Variants in DYSF observed in about 807,000 individuals in gnomAD.
DYSF encodes the protein dystrophy-associated fer-1-like 1.
A neutral mutation model predicts 274.9 loss-of-function variants in DYSF; 212 were observed. The ratio of observed to expected loss-of-function variants is 0.77; its 90% CI spans 0.69 to 0.86. The LOEUF (loss-of-function observed/expected upper bound fraction) is 0.86. DYSF is among the 40% of genes least tolerant of loss of function. The pLI is 0.00. For synonymous variants in DYSF, 1,091 were observed against 1,078.7 expected, an observed-to-expected ratio of 1.01 and a Z score of -0.22; for missense variants, 2,666 against 2,783.2, an observed-to-expected ratio of 0.96 and a Z score of 0.95.
intron 17 of DYSF, among the ~76,000 whole-genome samples, chr2:71,546,262 T>C (rs568069254): frequency 6.6e-5 from 10 of 152,388 alleles, no homozygotes; most frequent in African/African-American, 2.2e-4. Flanking sequence ...CTCCACGTTG[T>C]GGGCTTGTAG....
intron 14 of DYSF, among the ~76,000 whole-genome samples, chr2:71,533,309 G>T (rs756807384): frequency 6.6e-6 from 1 of 152,206 alleles, no homozygotes; most frequent in Admixed American, 6.5e-5. Context: ...ATGAGCCACC[G>T]TGCCCAGCCG....
chr2:71,617,898 T>G (rs1324102106), intron 40 of DYSF, among the ~76,000 whole-genome samples: 25 of 51,734 alleles, frequency 4.8e-4, no homozygotes, highest in Non-Finnish European at 7.9e-4. Context: ...GGTAGAGGTG[T>G]GTTTGTGGTA....
chr2:71,531,565 T>G (rs2088707313), intron 14 of DYSF, among the ~76,000 whole-genome samples: 2 of 151,682 alleles, frequency 1.3e-5, no homozygotes, highest in African/African-American at 4.8e-5. Flanking sequence ...GCAGAGAGTC[T>G]CAAAACATGG....
chr2:71,584,092 G>A (rs931406136), intron 30 of DYSF, among the ~76,000 whole-genome samples: 5 of 152,128 alleles, frequency 3.3e-5, no homozygotes, highest in Admixed American at 6.5e-5. Context: ...TGGGAGTTGC[G>A]GTGGCATGAG....
chr2:71,532,834 A>ATCTATCTATCTG (rs546663617), intron 14 of DYSF, among the ~76,000 whole-genome samples: 2,575 of 98,916 alleles, frequency 0.026, 44 homozygotes, highest in Non-Finnish European at 0.043. Flanking sequence ...CATTTATTCT[A>ATCTATCTATCTG]TCTATCTATC....
intron 5 of DYSF, among the ~76,000 whole-genome samples, chr2:71,512,750 G>A (rs1433796487): frequency 6.6e-6 from 1 of 152,240 alleles, no homozygotes; most frequent in African/African-American, 2.4e-5. Context: ...AACCGGAGCA[G>A]CCCATGTCTC....
At chr2:71,560,453 C>T (rs2091662126) in intron 22 of DYSF, among the ~76,000 whole-genome samples, 2 of 143,774 alleles carry the variant, frequency 1.4e-5, no homozygotes, top group Admixed American at 6.8e-5. Flanking sequence ...TGCCCCTCCA[C>T]CACCGAGGAG....
chr2:71,559,071 C>T (rs781767665), intron 22 of DYSF, among the ~76,000 whole-genome samples: 9 of 152,182 alleles, frequency 5.9e-5, no homozygotes, highest in Non-Finnish European at 8.8e-5. Context: ...TCCATCTCAG[C>T]CCTTTTCCCG....
chr2:71,631,992 C>T (rs780585242), intron 41 of DYSF, among the ~76,000 whole-genome samples: 4 of 152,128 alleles, frequency 2.6e-5, no homozygotes, highest in Non-Finnish European at 5.9e-5. Context: ...ACCCCCTGCC[C>T]CAAGAGGTCT....
At chr2:71,606,043 G>A (rs993264841) in intron 36 of DYSF, among the ~76,000 whole-genome samples, 6 of 152,090 alleles carry the variant, frequency 3.9e-5, no homozygotes, top group Admixed American at 2.6e-4. Context: ...CTGATGACCC[G>A]GCTGATGCAG....
intron 21 of DYSF, 136 bp from the exon 22 acceptor site, chr2:71,555,828 GC>G: frequency 1.4e-6 from 1 of 734,986 alleles, no homozygotes; most frequent in Non-Finnish European, 2.4e-6. Context: ...GGTTTGTTGG[GC>G]CTGGACTCTG....
At chr2:71,507,195 C>T (rs986979832) in intron 4 of DYSF, among the ~76,000 whole-genome samples, 8 of 152,052 alleles carry the variant, frequency 5.3e-5, no homozygotes, top group African/African-American at 1.9e-4. Flanking sequence ...TATAGAAGCC[C>T]CCAGGTGGTG....
Position 71,511,713 on chromosome 2 carries a change from C to T in DYSF, c.346-94C>T, listed in dbSNP as rs1050270878. 9.5e-5 allele frequency: 81 copies of T among 852,932 alleles called. 5 individuals are homozygous for T. The South Asian group carries it at 1.0e-3, about 11-fold the overall frequency. 52.8% of individuals were successfully genotyped at this position (852,932 alleles called of 1,614,324 possible). A position where few individuals can be genotyped will look rare whatever the true frequency, so the allele number is the denominator to read the frequency against. On this transcript the variant is annotated intron_variant, in intron 4 of 55. Transcript: ENST00000410020. Reference sequence around the variant, plus strand: ...CCTGGCTCTTGTCAGAGCCATATTCCTTGGTGGAGGGATGCCAGAAACAGG... The same window carrying T: ...CCTGGCTCTTGTCAGAGCCATATTCTTTGGTGGAGGGATGCCAGAAACAGG...
intron 30 of DYSF, among the ~76,000 whole-genome samples, chr2:71,587,863 A>G (rs868226294): frequency 7.2e-4 from 109 of 152,180 alleles, no homozygotes; most frequent in African/African-American, 2.6e-3. Flanking sequence ...CCACCCAGGG[A>G]TAGCAGGACC....
chr2:71,616,640 G>C (rs1014499497), intron 40 of DYSF, among the ~76,000 whole-genome samples: 4 of 152,224 alleles, frequency 2.6e-5, no homozygotes, highest in African/African-American at 9.6e-5. Context: ...GAGCAGAAGT[G>C]TCCTATTCCA....
At chr2:71,557,825 C>T (rs1258486288) in intron 22 of DYSF, among the ~76,000 whole-genome samples, 1 of 152,034 alleles carries the variant, frequency 6.6e-6, no homozygotes, top group African/African-American at 2.4e-5. Context: ...GCAGACAGAT[C>T]ACTTGAGGTC....
chr2:71,634,333 C>T (rs1017563360), intron 41 of DYSF, among the ~76,000 whole-genome samples: 5 of 152,208 alleles, frequency 3.3e-5, no homozygotes, highest in Non-Finnish European at 7.3e-5. Context: ...AGAAAACATA[C>T]CACCATTTCC....
In DYSF at chr2:71,570,339, G is replaced by A. The variant is rs1185883372; in HGVS notation, c.3085+5G>A. The stretch of plus-strand genomic sequence containing the variant: ...ACCGGGCTGTCGATGAGCAAGGTGG[G>A]CAGCATGTGGAACCTGGCGAGCCCC... On this transcript the variant is annotated splice_donor_5th_base_variant and intron_variant, in intron 28 of 55. Transcript: ENST00000410020. 1 of 1,613,566 alleles carries A rather than the reference G, an allele frequency of 6.2e-7. No homozygotes were observed. Among genetic ancestry groups the A allele is most frequent in the Non-Finnish European group, 8.5e-7 (1 of 1,179,700 alleles).
chr2:71,552,470 A>G (rs1476840788), intron 19 of DYSF, among the ~76,000 whole-genome samples: 3 of 152,222 alleles, frequency 2.0e-5, no homozygotes, highest in Non-Finnish European at 2.9e-5. Flanking sequence ...TCTCAGTCGT[A>G]GGATTGAGTT....
Sources: allele counts gnomAD v4.1 joint callset (sites outside exome capture counted in the v4.1 genomes callset), GRCh38; gene constraint gnomAD v4.1.1; transcripts MANE v1.5; gene names NCBI Gene and HGNC (gene_info 2026-07-23, HGNC 2026-07-21).